COMMD8: variants seen among roughly 807,000 people sequenced by gnomAD.
COMMD8 encodes the protein COMM domain-containing protein 8.
In COMMD8, 28 loss-of-function variants were observed where a neutral mutation model predicts 27.2. The ratio of observed to expected loss-of-function variants is 1.03; its 90% confidence interval spans 0.76 to 1.41. The LOEUF (loss-of-function observed/expected upper bound fraction) is 1.41. Ranked by LOEUF, COMMD8 falls within the 40% of genes most tolerant of loss-of-function variation. The pLI is 0.00. For missense variants in COMMD8, 217 were observed against 211.2 expected (o/e 1.03, Z -0.17); for synonymous variants, 79 against 75.5 (o/e 1.05, Z -0.24).
intron 4 of COMMD8, 29 bp downstream of exon 4, chr4:47,453,030 A>C: frequency 6.4e-7 from 1 of 1,570,880 alleles, no homozygotes; most frequent in Non-Finnish European, 8.6e-7. Flanking sequence ...TTAAACATTC[A>C]AATCATATGA....
rs368378880 is a variant in COMMD8, at chr4:47,453,070, C to T, written c.520G>A (p.Ala174Thr). ...ATTATAGCAAATACCTTATTCGCTG[C>T]TTCCAAGGACTGTATTAGATTCTGC... Reference protein sequence around the residue: ...ELQNLIQSLEAANKVVLQLK With the variant: ...ELQNLIQSLETANKVVLQLK The change falls in exon 4 of 5, where the codon GCA (alanine) becomes ACA (threonine). Residue 174 changes from alanine to threonine, a missense_variant. Transcript: ENST00000381571. The T allele has an allele frequency of 1.1e-5, 17 of 1,601,584 alleles. No individual in the cohort carries two copies. Among genetic ancestry groups the T allele is most frequent in the Non-Finnish European group, 1.4e-5 (17 of 1,175,442 alleles).
intron 2 of COMMD8, 114 bp downstream of exon 2, chr4:47,460,030 T>C (rs1729983525): frequency 1.3e-6 from 1 of 777,726 alleles, no homozygotes; most frequent in Admixed American, 3.0e-5. Flanking sequence ...TTCACAATTA[T>C]AAGGTATTTG....
intron 3 of COMMD8, among the ~76,000 whole-genome samples, chr4:47,456,103 C>T (rs1027815133): frequency 1.3e-5 from 2 of 151,608 alleles, no homozygotes; most frequent in East Asian, 1.9e-4. Flanking sequence ...AAAAATTAGC[C>T]GGGCATGGGG....
intron 1 of COMMD8, among the ~76,000 whole-genome samples, chr4:47,462,982 A>T (rs1730100008): frequency 6.6e-6 from 1 of 152,212 alleles, no homozygotes. Context: ...CATTTACCTC[A>T]TCCCATCGGG....
At chr4:47,455,816 A>G (rs1242991971) in intron 3 of COMMD8, among the ~76,000 whole-genome samples, 2 of 152,212 alleles carry the variant, frequency 1.3e-5, no homozygotes, top group Non-Finnish European at 2.9e-5. Context: ...ATTCTTCTTT[A>G]TGAACTCTAC....
At chr4:47,451,709 T>C (rs1307882489) in intron 4 of COMMD8, 44 bp from the exon 5 acceptor site, 1 of 1,461,924 alleles carries the variant, frequency 6.8e-7, no homozygotes, top group Admixed American at 2.3e-5. Context: ...TATACAAGAC[T>C]GATGCTGATA....
intron 1 of COMMD8, among the ~76,000 whole-genome samples, chr4:47,461,779 T>C (rs1046009536): frequency 2.6e-5 from 4 of 152,214 alleles, no homozygotes; most frequent in Admixed American, 1.3e-4. Context: ...GTAACCATTG[T>C]TATTATTTCT....
intron 1 of COMMD8, among the ~76,000 whole-genome samples, chr4:47,463,352 G>A (rs73234586): frequency 0.088 from 13,450 of 152,270 alleles, 755 homozygotes; most frequent in East Asian, 0.12. Flanking sequence ...TCTGGTGTGG[G>A]CGCTTCTGCG....
chr4:47,455,772 T>C (rs1210937364), intron 3 of COMMD8, among the ~76,000 whole-genome samples: 1 of 152,214 alleles, frequency 6.6e-6, no homozygotes, highest in East Asian at 1.9e-4. Flanking sequence ...TCTACTGGTC[T>C]AGGTATCTTA....
At chr4:47,455,863 T>C (rs1729873423) in intron 3 of COMMD8, among the ~76,000 whole-genome samples, 1 of 152,166 alleles carries the variant, frequency 6.6e-6, no homozygotes, top group Non-Finnish European at 1.5e-5. Flanking sequence ...AAACTAATGT[T>C]TTAATAATAT....
chr4:47,460,042 T>C (rs1729983720), intron 2 of COMMD8, 102 bp downstream of exon 2: 1 of 882,126 alleles, frequency 1.1e-6, no homozygotes, highest in Non-Finnish European at 1.7e-6. Context: ...AGGTATTTGT[T>C]GTTACTGATG....
intron 1 of COMMD8, among the ~76,000 whole-genome samples, chr4:47,461,191 A>G (rs1730016478): frequency 6.6e-6 from 1 of 152,182 alleles, no homozygotes; most frequent in South Asian, 2.1e-4. Flanking sequence ...TCCTCCTCCA[A>G]TTCATGCCTT....
chr4:47,453,261 T>A, intron 3 of COMMD8, 47 bp from the exon 4 acceptor site: 1 of 1,483,178 alleles, frequency 6.7e-7, no homozygotes, highest in Non-Finnish European at 9.3e-7. Context: ...TAAAAAGAAC[T>A]ATATTGAGTA....
chr4:47,451,915 C>T (rs534983234), intron 4 of COMMD8, among the ~76,000 whole-genome samples: 26 of 152,116 alleles, frequency 1.7e-4, no homozygotes, highest in African/African-American at 6.0e-4. Context: ...CTGAGCTGCT[C>T]GTTTGGTTAA....
intron 3 of COMMD8, among the ~76,000 whole-genome samples, chr4:47,456,276 ATATATATATATATATATATATATATG>A (rs1472346950): frequency 4.2e-5 from 3 of 71,496 alleles, no homozygotes; most frequent in Non-Finnish European, 9.3e-5. Flanking sequence ...ACATATATAT[ATATATATATATATATATATATATATG>A]TATATGTTGA....
chr4:47,460,246 T>C lies in COMMD8; in HGVS notation c.120A>G (p.Gln40=), dbSNP rs1371999246. 6.2e-7 allele frequency: 1 copy of C among 1,613,488 alleles called. No individual in the cohort carries two copies. The highest frequency in any genetic ancestry group is 1.7e-5 in the Admixed American group (1 of 59,954). ...CTGATTCCCAAACAGTGTGATAATC[T>C]TGGTACACAGGATAAGCTCGACCAC... ...GICGRAYPVY[Q]DYHTVWESEE... The change falls in exon 2 of 5, where the codon CAA becomes CAG. Residue 40 remains glutamine (Q), a synonymous_variant. Transcript: ENST00000381571.
chr4:47,460,113 T>G, intron 2 of COMMD8, 31 bp downstream of exon 2: 1 of 1,585,080 alleles, frequency 6.3e-7, no homozygotes, highest in South Asian at 1.1e-5. Flanking sequence ...CATTATTTAT[T>G]GTAAGTTATA....
chr4:47,462,218 G>GGTGAGC (rs1043287223), intron 1 of COMMD8, among the ~76,000 whole-genome samples: 6 of 152,136 alleles, frequency 3.9e-5, no homozygotes, highest in African/African-American at 1.4e-4. Context: ...TAAGAGAGAG[G>GGTGAGC]GTGAGCCCAG....
chr4:47,463,507 G>C (rs1004328148), intron 1 of COMMD8, 79 bp downstream of exon 1: 1 of 1,388,290 alleles, frequency 7.2e-7, no homozygotes, highest in African/African-American at 1.5e-5. Context: ...AGGCGTCCGG[G>C]TCGCACCCGG....
Sources: gnomAD v4.1 joint callset for allele counts (sites outside exome capture counted in the v4.1 genomes callset) on GRCh38, gnomAD v4.1.1 for gene constraint, MANE v1.5 for transcripts, NCBI Gene and HGNC (gene_info 2026-07-23, HGNC 2026-07-21) for gene names.